Variants in MYLK observed in about 807,000 individuals in gnomAD.
MYLK encodes myosin light chain kinase, smooth muscle.
In MYLK, 106 loss-of-function variants were observed where a neutral mutation model predicts 203.4. That is an observed-to-expected ratio of 0.52 (90% CI 0.45 to 0.61). MYLK has a LOEUF of 0.61. Among genes scored for constraint, MYLK ranks in the 20% least tolerant of loss-of-function variants. MYLK has a pLI of 0.00. For missense variants in MYLK, 2,072 were observed against 2,442.3 expected (o/e 0.85, Z 3.20); for synonymous variants, 867 against 959.5 (o/e 0.90, Z 1.78).
At chr3:123,725,899 G>T in intron 12 of MYLK, 45 bp downstream of exon 12, 1 of 1,600,890 alleles carries the variant, frequency 6.2e-7, no homozygotes, top group Non-Finnish European at 8.5e-7. Flanking sequence ...CAGCGCCAAA[G>T]GGCCCAGGGG....
At chr3:123,692,617 G>A in intron 19 of MYLK, 118 bp downstream of exon 19, 1 of 903,114 alleles carries the variant, frequency 1.1e-6, no homozygotes, top group Non-Finnish European at 1.8e-6. Context: ...ATGCCTTTGG[G>A]TAGGGAGGGC....
Position 123,629,838 on chromosome 3 carries a change from C to G in MYLK, c.4962-212G>C, listed in dbSNP as rs1216335189. ...TTTCTTGGTCACCTGCCTCTTGACACCACCTACCTGTGAGGCTGAGGTGCA... is the reference window on the plus strand; with the variant it reads ...TTTCTTGGTCACCTGCCTCTTGACAGCACCTACCTGTGAGGCTGAGGTGCA... On this transcript the variant is annotated intron_variant, in intron 29 of 33. Transcript: ENST00000360304. The surrounding 1 kb of genome is among the most constrained non-coding windows in gnomAD (Gnocchi z 4.4). 1.7e-6 allele frequency: 1 copy of G among 587,406 alleles called. No homozygotes were observed. Among genetic ancestry groups the G allele is most frequent in the African/African-American group, 1.9e-5 (1 of 53,654 alleles). 36.4% of individuals were successfully genotyped at this position (587,406 alleles called of 1,614,324 possible).
chr3:123,685,615 A>G (rs1378693283), intron 19 of MYLK, among the ~76,000 whole-genome samples: 2 of 8,628 alleles, frequency 2.3e-4, no homozygotes, highest in Non-Finnish European at 0.012. Context: ...AAAAAATGAA[A>G]AAAAAAAAAA....
chr3:123,630,205 A>G (rs2058353264), intron 29 of MYLK, among the ~76,000 whole-genome samples: 2 of 152,220 alleles, frequency 1.3e-5, no homozygotes, highest in Non-Finnish European at 2.9e-5. Context: ...GCCAAACTAG[A>G]AAACTTCCCT....
At chr3:123,855,276 T>C (rs796373481) in intron 2 of MYLK, among the ~76,000 whole-genome samples, 10 of 152,336 alleles carry the variant, frequency 6.6e-5, no homozygotes, top group African/African-American at 2.2e-4. Context: ...CGTTCTTTCA[T>C]GTTTTTGACA....
At chr3:123,693,256 T>G (rs2060759345) in intron 18 of MYLK, among the ~76,000 whole-genome samples, 1 of 152,062 alleles carries the variant, frequency 6.6e-6, no homozygotes, top group Non-Finnish European at 1.5e-5. Flanking sequence ...AGACCTGTGT[T>G]AGGAACAGTG....
Position 123,875,026 on chromosome 3 carries a change from C to T in MYLK, c.-127+1533G>A, listed in dbSNP as rs117749044. On this transcript the variant is annotated intron_variant, in intron 2 of 33. Transcript: ENST00000360304. ...TGGAAAATATAACCCTCATATATTA[C>T]TACCAGGAATGCAAAATGGTACAGC... Among the ~76,000 whole-genome samples, 22 of 152,248 alleles carry T rather than the reference C, an allele frequency of 1.4e-4. No homozygotes were observed. The East Asian group carries it at 4.2e-3, about 29-fold the overall frequency.
intron 5 of MYLK, among the ~76,000 whole-genome samples, chr3:123,746,747 T>G (rs2063028819): frequency 6.6e-6 from 1 of 152,242 alleles, no homozygotes; most frequent in Non-Finnish European, 1.5e-5. Flanking sequence ...TTTGTATTGT[T>G]AACTTTAATG....
chr3:123,711,363 T>C (rs1374226181), intron 13 of MYLK, among the ~76,000 whole-genome samples: 2 of 152,206 alleles, frequency 1.3e-5, no homozygotes, highest in Non-Finnish European at 2.9e-5. Flanking sequence ...TGTACATCAA[T>C]AATACCTCAA....
At chr3:123,836,305 T>G (rs2148636359) in intron 2 of MYLK, among the ~76,000 whole-genome samples, 1 of 152,302 alleles carries the variant, frequency 6.6e-6, no homozygotes, top group African/African-American at 2.4e-5. Context: ...GGTACCCAGC[T>G]CCTAGGTATC....
chr3:123,638,854 A>C, intron 28 of MYLK: 5 of 985,478 alleles, frequency 5.1e-6, no homozygotes, highest in Non-Finnish European at 4.8e-6. Flanking sequence ...ATAAAGGACC[A>C]GAGATGTCTG....
rs569356054 is a variant in MYLK, at chr3:123,650,118, C to T, written c.4289-924G>A. 3.3e-5 allele frequency among the ~76,000 whole-genome samples: 5 copies of T among 152,280 alleles called. No individual in the cohort carries two copies. In the East Asian group the frequency reaches 5.8e-4, roughly 18 times the overall value. Reference sequence around the variant, plus strand: ...CAGAGCTCCAGGCCTTCCTTTGCCTCGATACAGGTTTGTTTGTTGACAATC... The same window carrying T: ...CAGAGCTCCAGGCCTTCCTTTGCCTTGATACAGGTTTGTTTGTTGACAATC... On this transcript the variant is annotated intron_variant, in intron 24 of 33. Transcript: ENST00000360304.
At chr3:123,674,070 C>T (rs2060000217) in intron 20 of MYLK, among the ~76,000 whole-genome samples, 1 of 152,154 alleles carries the variant, frequency 6.6e-6, no homozygotes, top group Admixed American at 6.5e-5. Context: ...TGAGCCCATA[C>T]CAATACATCC....
chr3:123,869,947 A>G (rs571280893), intron 2 of MYLK, among the ~76,000 whole-genome samples: 3 of 152,046 alleles, frequency 2.0e-5, no homozygotes, highest in African/African-American at 7.2e-5. Context: ...TCCATTTGTA[A>G]TGCCTTGTCA....
chr3:123,632,092 G>A (rs1159674759), intron 29 of MYLK, among the ~76,000 whole-genome samples: 1 of 152,002 alleles, frequency 6.6e-6, no homozygotes, highest in Non-Finnish European at 1.5e-5. Context: ...GGATGGTCTC[G>A]ATCTCCTGAC....
chr3:123,628,800 A>G (rs962320636), intron 30 of MYLK, among the ~76,000 whole-genome samples: 9 of 152,264 alleles, frequency 5.9e-5, no homozygotes, highest in African/African-American at 2.2e-4. Flanking sequence ...CCCACAGCCC[A>G]TGCATGCTGA....
intron 2 of MYLK, among the ~76,000 whole-genome samples, chr3:123,869,219 C>G (rs1182715056): frequency 6.6e-6 from 1 of 152,056 alleles, no homozygotes; most frequent in East Asian, 1.9e-4. Flanking sequence ...AAGCAGAAAC[C>G]TCAGAACACA....
In MYLK at chr3:123,778,739, A is replaced by G. The variant is rs1489366796; in HGVS notation, c.165+14938T>C. On this transcript the variant is annotated intron_variant, in intron 4 of 33. Coordinates refer to ENST00000360304, the MANE Select transcript of MYLK (RefSeq NM_053025.4). ...ACCTGCAGGTGTGACCTTTGTTTCC[A>G]TCTCTGGAGACTAACAGCTGCCCCT... 2.6e-5 allele frequency among the ~76,000 whole-genome samples: 4 copies of G among 152,246 alleles called. No homozygotes were observed. The East Asian group carries it at 7.7e-4, about 29-fold the overall frequency.
At chr3:123,817,295 G>C (rs764049338) in intron 3 of MYLK, among the ~76,000 whole-genome samples, 7 of 152,186 alleles carry the variant, frequency 4.6e-5, no homozygotes, top group Non-Finnish European at 1.0e-4. Flanking sequence ...TGTCCACAGA[G>C]TAATTAAGAC....
Sources: gnomAD v4.1 joint callset for allele counts (sites outside exome capture counted in the v4.1 genomes callset) on GRCh38, gnomAD v4.1.1 for gene constraint, Gnocchi (gnomAD v3.1) non-coding constraint, MANE v1.5 for transcripts, NCBI Gene and HGNC (gene_info 2026-07-23, HGNC 2026-07-21) for gene names.